The following UBAC1 variants were observed in gnomAD, a reference collection of about 807,000 sequenced individuals.
UBAC1 encodes ubiquitin-associated domain-containing protein 1.
In UBAC1, 27 loss-of-function variants were observed where a neutral mutation model predicts 45.9. The ratio of observed to expected loss-of-function variants is 0.59; its 90% CI spans 0.43 to 0.81. UBAC1 has a LOEUF of 0.81. Among genes scored for constraint, UBAC1 ranks in the 30% least tolerant of loss-of-function variants. The probability of loss-of-function intolerance (pLI) is 0.00; values close to 1 mark genes in which losing one functional copy is unlikely to be tolerated. For synonymous variants in UBAC1, 227 were observed against 215.5 expected, an observed-to-expected ratio of 1.05 and a Z score of -0.47; for missense variants, 529 against 539.2, an observed-to-expected ratio of 0.98 and a Z score of 0.19.
At chr9:135,941,905 G>A (rs999404770) in intron 7 of UBAC1, among the ~76,000 whole-genome samples, 30 of 152,340 alleles carry the variant, frequency 2.0e-4, no homozygotes, top group African/African-American at 6.0e-4. Context: ...CCTACTGGAC[G>A]ACTGCCTGAT....
intron 1 of UBAC1, among the ~76,000 whole-genome samples, chr9:135,956,574 C>A (rs891728571): frequency 6.6e-6 from 1 of 152,074 alleles, no homozygotes; most frequent in African/African-American, 2.4e-5. Flanking sequence ...CCATACAGCC[C>A]GACACACGAC....
chr9:135,960,460 G>T (rs1839519528), intron 1 of UBAC1, among the ~76,000 whole-genome samples: 1 of 152,292 alleles, frequency 6.6e-6, no homozygotes, highest in African/African-American at 2.4e-5. Flanking sequence ...CAGCTAAAAG[G>T]CACAGTGGCC....
chr9:135,945,520 C>T, intron 6 of UBAC1: 1 of 512,242 alleles, frequency 2.0e-6, no homozygotes, highest in Non-Finnish European at 3.4e-6. Context: ...TAGATAGGGA[C>T]CACAGGGGGA....
chr9:135,937,545 C>A (rs2131080643), intron 9 of UBAC1, among the ~76,000 whole-genome samples: 1 of 151,720 alleles, frequency 6.6e-6, no homozygotes. Flanking sequence ...ACAACCCCCA[C>A]AAAGAACGCA....
At chr9:135,933,544 G>A (rs769880741) in intron 9 of UBAC1, 29 bp from the exon 10 acceptor site, 1 of 1,559,358 alleles carries the variant, frequency 6.4e-7, no homozygotes, top group East Asian at 2.2e-5. Flanking sequence ...CAGCCTGAGT[G>A]CCCACGCCCC....
At chr9:135,945,729 A>C (rs1588532948) in intron 6 of UBAC1, 160 bp downstream of exon 6, 2 of 613,018 alleles carry the variant, frequency 3.3e-6, no homozygotes, top group East Asian at 5.5e-5. Context: ...CACCCCAAAA[A>C]CACTTTGGAG....
At chr9:135,933,610 A>C in intron 9 of UBAC1, 95 bp from the exon 10 acceptor site, 1 of 872,264 alleles carries the variant, frequency 1.1e-6, no homozygotes, top group Non-Finnish European at 1.9e-6. Flanking sequence ...CCTAATGAAG[A>C]GGGTGCGTCT....
Position 135,938,259 on chromosome 9 carries a change from C to T in UBAC1, c.1065G>A (p.Val355=), listed in dbSNP as rs1382777104. ...TCGGGTTGGTCAGGCCCAGCTGCACCACCGGGTTATCCAGGATGGCCTGAA... is the reference window on the plus strand; with the variant it reads ...TCGGGTTGGTCAGGCCCAGCTGCACTACCGGGTTATCCAGGATGGCCTGAA... ...PLFQAILDNP[V]VQLGLTNPKT... Residue 355 remains valine (V), a synonymous_variant, in exon 9 of 10, where the codon GTG becomes GTA. Coordinates refer to ENST00000371756, the MANE Select transcript of UBAC1 (RefSeq NM_016172.3). 1.2e-6 allele frequency: 2 copies of T among 1,614,202 alleles called. No homozygotes were observed. Among genetic ancestry groups the T allele is most frequent in the Non-Finnish European group, 1.7e-6 (2 of 1,180,046 alleles).
In UBAC1 at chr9:135,953,674, A is replaced by C. The variant is rs748401748; in HGVS notation, c.333+6T>G. 1.2e-6 allele frequency: 2 copies of C among 1,613,398 alleles called. No homozygotes were observed. Among genetic ancestry groups the C allele is most frequent in the Admixed American group, 3.3e-5 (2 of 59,976 alleles). On this transcript the variant is annotated splice_donor_region_variant and intron_variant, in intron 3 of 9. Coordinates refer to ENST00000371756, the MANE Select transcript of UBAC1 (RefSeq NM_016172.3). ...AAGGTCCCCAATTGCAAACTTTGAAATTTACCTTTTCTTCTGCTGAGACAT... is the reference window on the plus strand; with the variant it reads ...AAGGTCCCCAATTGCAAACTTTGAACTTTACCTTTTCTTCTGCTGAGACAT...
chr9:135,949,875 G>C (rs1006572920), intron 3 of UBAC1, among the ~76,000 whole-genome samples: 7 of 152,226 alleles, frequency 4.6e-5, no homozygotes, highest in Non-Finnish European at 8.8e-5. Flanking sequence ...CAACTAATCA[G>C]GCAGGTCCTT....
chr9:135,944,162 T>C (rs1374174458), intron 7 of UBAC1, among the ~76,000 whole-genome samples: 2 of 152,186 alleles, frequency 1.3e-5, no homozygotes, highest in African/African-American at 2.4e-5. Context: ...GAAAAGCATT[T>C]GTCTCCACGG....
chr9:135,940,048 C>T (rs1017906204), intron 7 of UBAC1, among the ~76,000 whole-genome samples: 1 of 152,206 alleles, frequency 6.6e-6, no homozygotes, highest in African/African-American at 2.4e-5. Context: ...GGTAGAAACG[C>T]ATCGCTTATG....
chr9:135,939,540 T>C (rs1251806594), intron 8 of UBAC1, 133 bp downstream of exon 8: 16 of 754,760 alleles, frequency 2.1e-5, no homozygotes, highest in Non-Finnish European at 4.1e-6. Flanking sequence ...CCCCACTCAC[T>C]CACCACAGCC....
intron 3 of UBAC1, 50 bp downstream of exon 3, chr9:135,953,630 A>T: frequency 6.4e-7 from 1 of 1,553,976 alleles, no homozygotes; most frequent in South Asian, 1.1e-5. Context: ...TAATTCTTAA[A>T]TGTAGACTTC....
intron 1 of UBAC1, among the ~76,000 whole-genome samples, chr9:135,955,619 A>G (rs1409293635): frequency 1.3e-5 from 2 of 152,200 alleles, no homozygotes; most frequent in Non-Finnish European, 2.9e-5. Flanking sequence ...TCCCCAGCCC[A>G]TGGAGTACTC....
chr9:135,953,175 G>A (rs1839427527), intron 3 of UBAC1, among the ~76,000 whole-genome samples: 1 of 152,186 alleles, frequency 6.6e-6, no homozygotes, highest in Admixed American at 6.5e-5. Context: ...GAGCAGGGAG[G>A]GACCAGGACT....
chr9:135,953,461 C>A (rs1013674625), intron 3 of UBAC1, among the ~76,000 whole-genome samples: 2 of 152,130 alleles, frequency 1.3e-5, no homozygotes, highest in Non-Finnish European at 2.9e-5. Context: ...GGACTACAGG[C>A]ATGAGCCACC....
chr9:135,939,906 C>G, intron 7 of UBAC1, 147 bp from the exon 8 acceptor site: 1 of 665,748 alleles, frequency 1.5e-6, no homozygotes, highest in Non-Finnish European at 2.7e-6. Context: ...GTTCTTTCCT[C>G]ACAGCTCTGC....
chr9:135,955,536 C>T (rs1839457440), intron 1 of UBAC1, 121 bp from the exon 2 acceptor site: 3 of 1,096,446 alleles, frequency 2.7e-6, no homozygotes, highest in Admixed American at 2.7e-5. Context: ...TAAGAAATTA[C>T]ACCATGGATG....
Sources: gnomAD v4.1 joint callset for allele counts (sites outside exome capture counted in the v4.1 genomes callset) on GRCh38, gnomAD v4.1.1 for gene constraint, MANE v1.5 for transcripts, NCBI Gene and HGNC (gene_info 2026-07-23, HGNC 2026-07-21) for gene names.